Variants in WDPCP observed in about 807,000 individuals in gnomAD.
The protein encoded by WDPCP is WD repeat-containing and planar cell polarity effector protein fritz homolog.
A neutral mutation model predicts 93.1 loss-of-function variants in WDPCP; 71 were observed. That is an observed-to-expected ratio of 0.76 (90% CI 0.63 to 0.93). The LOEUF (loss-of-function observed/expected upper bound fraction) is 0.93. Ranked by LOEUF, WDPCP falls within the 40% of genes least tolerant of loss-of-function variation. WDPCP has a pLI of 0.00. For missense variants in WDPCP, 844 were observed against 887.4 expected, an observed-to-expected ratio of 0.95 and a Z score of 0.62; for synonymous variants, 315 against 315.0, an observed-to-expected ratio of 1.00 and a Z score of 0.00.
chr2:63,317,291 C>G (rs1686718869), intron 12 of WDPCP, among the ~76,000 whole-genome samples: 1 of 151,704 alleles, frequency 6.6e-6, no homozygotes, highest in Admixed American at 6.6e-5. Flanking sequence ...ACCTGTAATC[C>G]CAGCTACTTG....
At chr2:63,625,417 A>T (rs889529436) in intron 3 of WDPCP, among the ~76,000 whole-genome samples, 3 of 152,244 alleles carry the variant, frequency 2.0e-5, no homozygotes, top group Non-Finnish European at 2.9e-5. Flanking sequence ...ATCATTGTAT[A>T]TTTAGAAAAC....
At chr2:63,527,238 T>TTTA (rs56783578) in intron 1 of WDPCP, among the ~76,000 whole-genome samples, 1 of 151,314 alleles carries the variant, frequency 6.6e-6, no homozygotes, top group Non-Finnish European at 1.5e-5. Context: ...TTTTTTTTTT[T>TTTA]ACTTTAAGTT....
In WDPCP at chr2:63,404,631, C is replaced by T; in HGVS notation, c.852G>A (p.Trp284Ter). 1 of 1,614,044 alleles carries T rather than the reference C, an allele frequency of 6.2e-7. No individual in the cohort carries two copies. Among genetic ancestry groups the T allele is most frequent in the South Asian group, 1.1e-5 (1 of 91,082 alleles). ...TGCCAAAGCGAACATCCAGTGGGTC[C>T]CATTCTGTGCGGACAGAACTCAGAA... ...LEVLSSVRTE[W>*]DPLDVRFGTK... The change falls in exon 10 of 18, where the codon TGG becomes TGA. Residue 284 changes from tryptophan (W) to a stop codon, truncating the protein, a stop_gained. Transcript: ENST00000272321. LOFTEE classifies it high-confidence loss of function.
chr2:63,450,857 C>T (rs749592279), intron 6 of WDPCP, among the ~76,000 whole-genome samples: 2 of 146,084 alleles, frequency 1.4e-5, no homozygotes, highest in African/African-American at 4.9e-5. Context: ...TCATCCCCTA[C>T]AAAAACAAAT....
intron 6 of WDPCP, among the ~76,000 whole-genome samples, chr2:63,462,094 C>G (rs944160727): frequency 6.6e-6 from 1 of 152,180 alleles, no homozygotes; most frequent in Non-Finnish European, 1.5e-5. Context: ...AGACTTGGAA[C>G]CAACCCAAAT....
intron 1 of WDPCP, among the ~76,000 whole-genome samples, chr2:63,535,744 A>G (rs1371265326): frequency 6.6e-6 from 1 of 152,242 alleles, no homozygotes; most frequent in Non-Finnish European, 1.5e-5. Context: ...TGTTAGACCT[A>G]AAACCATAAA....
At chr2:63,820,357 G>A (rs1202061387) in intron 1 of WDPCP, among the ~76,000 whole-genome samples, 1 of 152,146 alleles carries the variant, frequency 6.6e-6, no homozygotes, top group Non-Finnish European at 1.5e-5. Context: ...TAATCTGAGA[G>A]ACAGAGGAGA....
intron 13 of WDPCP, among the ~76,000 whole-genome samples, chr2:63,296,500 A>G (rs539690885): frequency 6.6e-5 from 10 of 152,356 alleles, no homozygotes; most frequent in African/African-American, 2.4e-4. Flanking sequence ...AAGAGTAGTC[A>G]AACTATCTCT....
intron 2 of WDPCP, among the ~76,000 whole-genome samples, chr2:63,713,463 A>G (rs1455025247): frequency 6.6e-6 from 1 of 152,232 alleles, no homozygotes; most frequent in Admixed American, 6.5e-5. Context: ...GTCATATAAA[A>G]GGCAATGTCT....
At chr2:63,661,405 T>C (rs1179974028) in intron 2 of WDPCP, among the ~76,000 whole-genome samples, 1 of 152,224 alleles carries the variant, frequency 6.6e-6, no homozygotes. Context: ...CTCCATATCC[T>C]ACTCATTAGA....
chr2:63,712,889 C>G (rs1669282814), intron 2 of WDPCP, among the ~76,000 whole-genome samples: 1 of 152,188 alleles, frequency 6.6e-6, no homozygotes, highest in Admixed American at 6.5e-5. Context: ...TCTCCAAGAG[C>G]ATGTGACTCA....
intron 13 of WDPCP, among the ~76,000 whole-genome samples, chr2:63,311,147 G>A (rs1686159104): frequency 6.6e-6 from 1 of 152,064 alleles, no homozygotes; most frequent in Admixed American, 6.6e-5. Context: ...CTATTTTCAG[G>A]TTAACTGATA....
chr2:63,737,540 A>G (rs1157520940), intron 2 of WDPCP, among the ~76,000 whole-genome samples: 2 of 152,118 alleles, frequency 1.3e-5, no homozygotes, highest in Non-Finnish European at 2.9e-5. Context: ...GACATGTTCA[A>G]CCTCATCTGC....
Position 63,764,067 on chromosome 2 carries a change from G to A in WDPCP, n.308+49555C>T, listed in dbSNP as rs148071510. On this transcript the variant is annotated intron_variant and non_coding_transcript_variant, in intron 2 of 4. Transcript: ENST00000467687. ...TGAGGTAAAATTCACATAAGATAAAGTTATTTTGAAGTGTGCAATTCAGTG... is the reference window on the plus strand; with the variant it reads ...TGAGGTAAAATTCACATAAGATAAAATTATTTTGAAGTGTGCAATTCAGTG... Among the ~76,000 whole-genome samples, 629 of 152,206 alleles carry A rather than the reference G, an allele frequency of 4.1e-3. 3 individuals carry two copies. Among genetic ancestry groups the A allele is most frequent in the African/African-American group, 0.014 (589 of 41,534 alleles).
At chr2:63,558,484 G>A (rs372039434) in intron 1 of WDPCP, among the ~76,000 whole-genome samples, 12 of 149,642 alleles carry the variant, frequency 8.0e-5, no homozygotes, top group Non-Finnish European at 1.5e-4. Context: ...AGCTGAGACC[G>A]CACCACTGCA....
At position 63,456,373 on chromosome 2, in the gene WDPCP, C is replaced by T. The variant is rs576707920; in HGVS notation, c.385-16502G>A. 2.5e-4 allele frequency among the ~76,000 whole-genome samples: 38 copies of T among 152,074 alleles called. No individual in the cohort carries two copies. In the South Asian group the frequency reaches 2.7e-3, roughly 11 times the overall value. ...CAGTGGTTGCAGTGAGCCAAGATTG[C>T]GCCACTGCACTCCAGCCTGGGCAAC... On this transcript the variant is annotated intron_variant, in intron 6 of 17. Coordinates refer to ENST00000272321, the MANE Select transcript of WDPCP (RefSeq NM_015910.7).
intron 15 of WDPCP, among the ~76,000 whole-genome samples, chr2:63,153,833 C>T (rs1672045348): frequency 6.6e-6 from 1 of 151,890 alleles, no homozygotes; most frequent in East Asian, 1.9e-4. Context: ...TTAAATTAAA[C>T]TTTAACATAC....
At chr2:63,175,942 T>C (rs2104020937) in intron 14 of WDPCP, among the ~76,000 whole-genome samples, 1 of 152,346 alleles carries the variant, frequency 6.6e-6, no homozygotes, top group Non-Finnish European at 1.5e-5. Flanking sequence ...TTTGGACATA[T>C]ACTCAGAAGG....
chr2:63,375,405 A>G (rs1377723661), intron 12 of WDPCP, among the ~76,000 whole-genome samples: 2 of 151,982 alleles, frequency 1.3e-5, no homozygotes, highest in Non-Finnish European at 1.5e-5. Context: ...TCATCTCTTT[A>G]AAATTTTATT....
Sources: gnomAD v4.1 joint callset for allele counts (sites outside exome capture counted in the v4.1 genomes callset) on GRCh38, gnomAD v4.1.1 for gene constraint, MANE v1.5 for transcripts, NCBI Gene and HGNC (gene_info 2026-07-23, HGNC 2026-07-21) for gene names.